RGS5: variants seen among roughly 807,000 people sequenced by gnomAD.
RGS5 encodes regulator of G-protein signalling 5.
RGS5 carries 20 observed loss-of-function variants against 18.9 expected under a neutral mutation model. The observed-to-expected ratio is 1.06, with a 90% CI of 0.74 to 1.54. The LOEUF (loss-of-function observed/expected upper bound fraction) is 1.54. Among genes scored for constraint, RGS5 ranks in the 40% most tolerant of loss-of-function variants. The pLI is 0.00. For missense variants in RGS5, 201 were observed against 211.8 expected (o/e 0.95, Z 0.32); for synonymous variants, 57 against 76.2 (o/e 0.75, Z 1.31).
At chr1:163,320,433 T>C (rs1296195057) in intron 1 of RGS5, among the ~76,000 whole-genome samples, 3 of 152,190 alleles carry the variant, frequency 2.0e-5, no homozygotes, top group Non-Finnish European at 4.4e-5. Context: ...TTAGGTTAAA[T>C]AGCTCGCCTA....
chr1:163,186,495 C>T (rs1168695264), intron 1 of RGS5, among the ~76,000 whole-genome samples: 13 of 144,188 alleles, frequency 9.0e-5, no homozygotes, highest in African/African-American at 1.5e-4. Flanking sequence ...AGGAGAATGG[C>T]GTGAACCTGG....
intron 2 of RGS5, 81 bp from the exon 3 acceptor site, chr1:163,162,057 T>C: frequency 1.1e-6 from 1 of 929,356 alleles, no homozygotes; most frequent in Admixed American, 1.7e-5. Context: ...CTACTTCCTG[T>C]TTCTCTTAGA....
chr1:163,263,424 T>A (rs1648502125), intron 2 of RGS5, among the ~76,000 whole-genome samples: 1 of 152,164 alleles, frequency 6.6e-6, no homozygotes, highest in Non-Finnish European at 1.5e-5. Context: ...TCTCTCCTAA[T>A]GGGCAGTGCC....
chr1:163,211,700 G>A (rs1292088159), intron 1 of RGS5: 8 of 152,108 alleles, frequency 5.3e-5, no homozygotes, highest in African/African-American at 1.9e-4. Context: ...AAGTAGGATG[G>A]AGTTGGGTTC....
At chr1:163,206,946 G>T (rs1435881393), upstream of RGS5, 1 of 152,066 alleles carries the variant, frequency 6.6e-6, no homozygotes, top group East Asian at 1.9e-4. Flanking sequence ...TGCATCTTTT[G>T]TTATTTAAGA....
At chr1:163,244,740 G>C (rs1266902847) in intron 2 of RGS5, 1 of 152,152 alleles carries the variant, frequency 6.6e-6, no homozygotes, top group African/African-American at 2.4e-5. Flanking sequence ...AGGAAGACTT[G>C]TTCTGTGATG....
chr1:163,165,130 T>C (rs776079562), intron 2 of RGS5, among the ~76,000 whole-genome samples: 6 of 152,192 alleles, frequency 3.9e-5, no homozygotes, highest in Non-Finnish European at 8.8e-5. Context: ...TTGACATCCA[T>C]ATGCGGGCCT....
At chr1:163,243,655 A>AC (rs1455141765) in intron 2 of RGS5, among the ~76,000 whole-genome samples, 1 of 151,040 alleles carries the variant, frequency 6.6e-6, no homozygotes, top group African/African-American at 2.4e-5. Flanking sequence ...AAAAAAAAAA[A>AC]AAAAAAAAAA....
intron 2 of RGS5, among the ~76,000 whole-genome samples, chr1:163,299,505 G>A (rs1649502962): frequency 6.6e-6 from 1 of 152,194 alleles, no homozygotes. Context: ...CTTAATGTCT[G>A]AATCTGAGCT....
intron 2 of RGS5, among the ~76,000 whole-genome samples, chr1:163,234,986 C>T (rs574300143): frequency 1.5e-3 from 234 of 152,300 alleles, no homozygotes; most frequent in African/African-American, 5.2e-3. Flanking sequence ...AAATTGTACA[C>T]CATCACTTCT....
intron 2 of RGS5, among the ~76,000 whole-genome samples, chr1:163,241,776 A>C (rs559845847): frequency 6.6e-6 from 1 of 152,280 alleles, no homozygotes; most frequent in East Asian, 1.9e-4. Flanking sequence ...GTATAAAAAT[A>C]AGATAAAAAT....
Position 163,266,422 on chromosome 1 carries a change from G to A in RGS5, c.-281+39811C>T, listed in dbSNP as rs554255016. 4.6e-5 allele frequency among the ~76,000 whole-genome samples: 7 copies of A among 152,156 alleles called. No homozygotes were observed. In the East Asian group the frequency reaches 1.4e-3, roughly 29 times the overall value. On this transcript the variant is annotated intron_variant, in intron 2 of 5. Transcript: ENST00000618415. The stretch of plus-strand genomic sequence containing the variant: ...ATTTGCATCTCTCAAATCACTATAA[G>A]AATGATGTTTCTAAAACACCATGTT...
chr1:163,248,459 C>T (rs1435468317), intron 2 of RGS5: 1 of 152,084 alleles, frequency 6.6e-6, no homozygotes, highest in Non-Finnish European at 1.5e-5. Flanking sequence ...AATAGCATTA[C>T]CCTTGTTTAA....
chr1:163,267,893 T>C (rs1038417086), intron 2 of RGS5, among the ~76,000 whole-genome samples: 10 of 152,194 alleles, frequency 6.6e-5, no homozygotes, highest in African/African-American at 2.4e-4. Flanking sequence ...CTTGTAACCA[T>C]ATTTGGCAAA....
At chr1:163,286,340 G>A (rs540611451) in intron 2 of RGS5, among the ~76,000 whole-genome samples, 1 of 152,146 alleles carries the variant, frequency 6.6e-6, no homozygotes, top group South Asian at 2.1e-4. Flanking sequence ...GTAGGGAGTA[G>A]GGAGAGTCCT....
intron 1 of RGS5, among the ~76,000 whole-genome samples, chr1:163,168,677 A>G (rs1213713376): frequency 1.6e-4 from 25 of 152,078 alleles, no homozygotes; most frequent in Admixed American, 1.6e-3. Context: ...AGATGAGGTC[A>G]CGGAATGACA....
intron 4 of RGS5, among the ~76,000 whole-genome samples, chr1:163,147,918 C>CTTTTT (rs534448527): frequency 7.8e-4 from 61 of 78,074 alleles, no homozygotes; most frequent in African/African-American, 9.9e-4. Context: ...TTTTCTTTTT[C>CTTTTT]TTTTTTTTTT....
intron 2 of RGS5, among the ~76,000 whole-genome samples, chr1:163,275,451 G>A (rs958692872): frequency 6.6e-6 from 1 of 152,162 alleles, no homozygotes; most frequent in Non-Finnish European, 1.5e-5. Context: ...AAGCATATGA[G>A]ATCAACACTT....
intron 1 of RGS5, among the ~76,000 whole-genome samples, chr1:163,195,521 C>A (rs1476372747): frequency 6.6e-6 from 1 of 151,724 alleles, no homozygotes; most frequent in Non-Finnish European, 1.5e-5. Flanking sequence ...GAAATCACCA[C>A]TAAAGAACTT....
Sources: allele counts gnomAD v4.1 joint callset (sites outside exome capture counted in the v4.1 genomes callset), GRCh38; gene constraint gnomAD v4.1.1; transcripts MANE v1.5; gene names NCBI Gene and HGNC (gene_info 2026-07-23, HGNC 2026-07-21).